Variants in PLA2R1 observed in about 807,000 individuals in gnomAD.
PLA2R1 encodes the protein secretory phospholipase A2 receptor.
Under a neutral mutation model 195.9 loss-of-function variants are expected in PLA2R1, and 158 were observed. The ratio of observed to expected loss-of-function variants is 0.81; its 90% confidence interval spans 0.71 to 0.92. PLA2R1 has a LOEUF of 0.92. Among genes scored for constraint, PLA2R1 ranks in the 40% least tolerant of loss-of-function variants. PLA2R1 has a pLI of 0.00. For missense variants in PLA2R1, 1,626 were observed against 1,764.6 expected, an observed-to-expected ratio of 0.92 and a Z score of 1.41; for synonymous variants, 586 against 598.2, an observed-to-expected ratio of 0.98 and a Z score of 0.30.
intron 8 of PLA2R1, among the ~76,000 whole-genome samples, chr2:160,017,655 A>G (rs1692855841): frequency 6.6e-6 from 1 of 152,210 alleles, no homozygotes. Flanking sequence ...GGCTACTCTC[A>G]GATCTTTCAT....
chr2:159,961,549 AT>A (rs898728753), intron 20 of PLA2R1, among the ~76,000 whole-genome samples: 30 of 151,922 alleles, frequency 2.0e-4, no homozygotes, highest in Middle Eastern at 6.8e-3. Flanking sequence ...GTTATCAATA[AT>A]TTTTTTTTAT....
intron 1 of PLA2R1, among the ~76,000 whole-genome samples, chr2:160,058,488 C>T (rs150643025): frequency 5.3e-5 from 8 of 152,244 alleles, no homozygotes; most frequent in African/African-American, 1.2e-4. Flanking sequence ...AACTCTCCTA[C>T]GATATATTAG....
At position 159,963,701 on chromosome 2, in the gene PLA2R1, G is replaced by A. The variant is rs562494985; in HGVS notation, c.2904+3838C>T. Reference sequence around the variant, plus strand: ...AAATCACAATGAAATAACACCTAACGTGTTCTAGGATGGCTATATAATAGC... The same window carrying A: ...AAATCACAATGAAATAACACCTAACATGTTCTAGGATGGCTATATAATAGC... On this transcript the variant is annotated intron_variant, in intron 20 of 29. Transcript: ENST00000283243. 5.6e-4 allele frequency among the ~76,000 whole-genome samples: 85 copies of A among 152,242 alleles called. 1 individual carries two copies. Among genetic ancestry groups the A allele is most frequent in the Middle Eastern group, 6.8e-3 (2 of 294 alleles).
At chr2:160,023,941 A>G (rs908989231) in intron 6 of PLA2R1, among the ~76,000 whole-genome samples, 1 of 140,312 alleles carries the variant, frequency 7.1e-6, no homozygotes, top group Non-Finnish European at 1.5e-5. Flanking sequence ...GCCAGGAGAG[A>G]CTTCTCTCTG....
rs1574621554 is a variant in PLA2R1, at chr2:159,933,498, GAATT to G, written c.*8276_*8279del. ...GTTAAGCCTTTCTCTACTTCTGACAGAATTAATCAGTCCCCTCTCCTTTTTTTTC... is the reference window on the plus strand; with the variant it reads ...GTTAAGCCTTTCTCTACTTCTGACAGAATCAGTCCCCTCTCCTTTTTTTTC... On this transcript the variant is annotated 3_prime_UTR_variant, in exon 30 of 30. Coordinates refer to ENST00000283243, the MANE Select transcript of PLA2R1 (RefSeq NM_007366.5). The G allele has an allele frequency of 5.3e-5, 8 of 152,198 alleles. No homozygotes were observed. The East Asian group carries it at 1.5e-3, about 29-fold the overall frequency. 9.4% of individuals were successfully genotyped at this position (152,198 alleles called of 1,614,324 possible). A position where few individuals can be genotyped will look rare whatever the true frequency, so the allele number is the denominator to read the frequency against.
intron 1 of PLA2R1, among the ~76,000 whole-genome samples, chr2:160,056,326 G>A (rs551186668): frequency 2.1e-4 from 32 of 152,268 alleles, no homozygotes; most frequent in Non-Finnish European, 4.4e-4. Flanking sequence ...TTCTTATTGT[G>A]GTTTGCTGAC....
chr2:159,950,502 G>T (rs368136230), intron 24 of PLA2R1, among the ~76,000 whole-genome samples: 28 of 152,300 alleles, frequency 1.8e-4, no homozygotes, highest in African/African-American at 6.5e-4. Flanking sequence ...AAACTGAGAA[G>T]AACCCAAATG....
chr2:159,998,698 A>G (rs568646364), intron 11 of PLA2R1, among the ~76,000 whole-genome samples: 5 of 152,270 alleles, frequency 3.3e-5, no homozygotes, highest in African/African-American at 1.2e-4. Context: ...CTCTAATTAC[A>G]CAGTGCTCCT....
chr2:159,999,994 T>C (rs1405493519), intron 11 of PLA2R1, among the ~76,000 whole-genome samples: 1 of 152,100 alleles, frequency 6.6e-6, no homozygotes, highest in African/African-American at 2.4e-5. Flanking sequence ...AATAAACAAA[T>C]CTATAGAGCT....
rs1391304178 is a variant in PLA2R1, at chr2:159,983,968, CT to C, written c.2142del (p.Glu715ArgfsTer4). 8.1e-6 allele frequency: 13 copies of C among 1,597,526 alleles called. No homozygotes were observed. The highest frequency in any genetic ancestry group is 1.1e-5 in the Non-Finnish European group (13 of 1,166,482). ...AHLASFAHIE[E>X]ENFVNELLHS... ...TGTAAGAGCTCATTCACAAAATTCT[CT>C]TCCTCAATATGGGCAAAGCTTGCAA... On this transcript the variant is annotated frameshift_variant, in exon 13 of 30. Transcript: ENST00000283243. LOFTEE classifies it high-confidence loss of function.
chr2:159,949,066 C>T lies in PLA2R1; in HGVS notation c.3709+542G>A, dbSNP rs887982860. Among the ~76,000 whole-genome samples the T allele has an allele frequency of 3.3e-5, 5 of 152,196 alleles. No homozygotes were observed. In the Middle Eastern group the frequency reaches 0.014, roughly 414 times the overall value. On this transcript the variant is annotated intron_variant, in intron 25 of 29. Coordinates refer to ENST00000283243, the MANE Select transcript of PLA2R1 (RefSeq NM_007366.5). ...TATCTAGTAAATATCCAAACAATATCACCACCATCATTATTGTAGCTCTGG... is the reference window on the plus strand; with the variant it reads ...TATCTAGTAAATATCCAAACAATATTACCACCATCATTATTGTAGCTCTGG...
chr2:160,055,663 C>T (rs1161569268), intron 1 of PLA2R1, among the ~76,000 whole-genome samples: 2 of 152,254 alleles, frequency 1.3e-5, no homozygotes, highest in East Asian at 1.9e-4. Flanking sequence ...GTGCTTGGTT[C>T]GAATCCCCAT....
intron 9 of PLA2R1, among the ~76,000 whole-genome samples, chr2:160,014,921 C>T (rs2105441070): frequency 6.6e-6 from 1 of 152,256 alleles, no homozygotes; most frequent in South Asian, 2.1e-4. Flanking sequence ...GAGAGGGAGG[C>T]TGGCAATTTG....
In PLA2R1 at chr2:159,933,610, C is replaced by T. The variant is rs539348072; in HGVS notation, c.*8168G>A. On this transcript the variant is annotated 3_prime_UTR_variant, in exon 30 of 30. Transcript: ENST00000283243. Reference sequence around the variant, plus strand: ...TATTCCTCTCCCCTGAGACTGAGTTCCATGAGGGGAGAGATGGGGTGTTAT... The same window carrying T: ...TATTCCTCTCCCCTGAGACTGAGTTTCATGAGGGGAGAGATGGGGTGTTAT... 1 of 152,200 alleles carries T rather than the reference C, an allele frequency of 6.6e-6. No homozygotes were observed. The highest frequency in any genetic ancestry group is 2.4e-5 in the African/African-American group (1 of 41,524). The allele number at this position is 152,200 out of a possible 1,614,324, so 9.4% of individuals were successfully genotyped here.
At chr2:160,052,794 A>G (rs1392744949) in intron 1 of PLA2R1, among the ~76,000 whole-genome samples, 1 of 152,006 alleles carries the variant, frequency 6.6e-6, no homozygotes. Flanking sequence ...AACCAAAACA[A>G]CTCCGGAAAT....
chr2:159,930,369 C>T (rs1686560405), downstream of PLA2R1, among the ~76,000 whole-genome samples: 1 of 150,100 alleles, frequency 6.7e-6, no homozygotes, highest in Admixed American at 6.7e-5. Flanking sequence ...GATTGTGCCA[C>T]TACACTCCAG....
chr2:160,009,403 G>A (rs1444812571), intron 10 of PLA2R1, among the ~76,000 whole-genome samples: 1 of 152,196 alleles, frequency 6.6e-6, no homozygotes, highest in African/African-American at 2.4e-5. Context: ...ACGAAATTCT[G>A]ACACTACAAC....
rs1694756091 is a variant in PLA2R1 at position 160,044,793 on chromosome 2, A to G, written c.474T>C (p.Ile158=). ...TTTTACCTTTGTGTAGATATTCACA[A>G]ATGTCTCCACCACCTGACCCATAAG... ...WISYGSGGGD[I]CEYLHKDLHT... The change falls in exon 2 of 30, where the codon ATT becomes ATC. Residue 158 remains isoleucine (I), a synonymous_variant. Transcript: ENST00000283243. 1 of 1,611,564 alleles carries G rather than the reference A, an allele frequency of 6.2e-7. No homozygotes were observed. Among genetic ancestry groups the G allele is most frequent in the Non-Finnish European group, 8.5e-7 (1 of 1,178,120 alleles).
At chr2:160,012,091 G>A (rs1039705750) in intron 10 of PLA2R1, among the ~76,000 whole-genome samples, 2 of 152,178 alleles carry the variant, frequency 1.3e-5, no homozygotes, top group African/African-American at 2.4e-5. Context: ...TCCAATGTGG[G>A]AGGAGCAGAG....
Sources: gnomAD v4.1 joint callset for allele counts (sites outside exome capture counted in the v4.1 genomes callset) on GRCh38, gnomAD v4.1.1 for gene constraint, MANE v1.5 for transcripts, NCBI Gene and HGNC (gene_info 2026-07-23, HGNC 2026-07-21) for gene names.